The following GPRC5C variants were observed in gnomAD, a reference collection of about 807,000 sequenced individuals.
GPRC5C encodes G protein-coupled receptor class C group 5 member C.
A neutral mutation model predicts 31.4 loss-of-function variants in GPRC5C; 22 were observed. The observed-to-expected ratio is 0.70, with a 90% confidence interval of 0.50 to 1.00. The LOEUF is 1.00. GPRC5C is among the 50% of genes least tolerant of loss of function. The probability of loss-of-function intolerance (pLI) is 0.00; values close to 1 mark genes in which losing one functional copy is unlikely to be tolerated. For synonymous variants in GPRC5C, 249 were observed against 257.5 expected, an observed-to-expected ratio of 0.97 and a Z score of 0.32; for missense variants, 557 against 597.2, an observed-to-expected ratio of 0.93 and a Z score of 0.70.
intron 3 of GPRC5C, among the ~76,000 whole-genome samples, chr17:74,444,292 CAG>C (rs1259613825): frequency 1.3e-5 from 2 of 152,268 alleles, no homozygotes; most frequent in East Asian, 3.9e-4. Flanking sequence ...CCAAAATAGA[CAG>C]GGGTCCAAAT....
At chr17:74,444,790 C>G (rs1475877151) in intron 3 of GPRC5C, among the ~76,000 whole-genome samples, 1 of 152,182 alleles carries the variant, frequency 6.6e-6, no homozygotes, top group African/African-American at 2.4e-5. Context: ...GCCACAGAAG[C>G]CTTTGCTGAA....
intron 3 of GPRC5C, 110 bp from the exon 4 acceptor site, chr17:74,446,739 A>C (rs1598434807): frequency 1.3e-6 from 1 of 799,038 alleles, no homozygotes; most frequent in African/African-American, 1.8e-5. Context: ...CCGAGGGGGG[A>C]GTTGGGGGGG....
In GPRC5C at chr17:74,446,797, C is replaced by T. The variant is rs79555115; in HGVS notation, c.1147-52C>T. ...GGAAGTGTTTGTGCATCCGCCCCGG[C>T]GGAACCTGGCTCCCAATCCCCGACT... On this transcript the variant is annotated intron_variant, in intron 3 of 3. Coordinates refer to ENST00000392627, the MANE Select transcript of GPRC5C (RefSeq NM_022036.4). The T allele has an allele frequency of 2.8e-3, 3,995 of 1,431,296 alleles. 41 individuals carry two copies. In the African/African-American group the frequency reaches 0.032, roughly 12 times the overall value. The allele number at this position is 1,431,296 out of a possible 1,614,324, so 88.7% of individuals were successfully genotyped here.
chr17:74,438,283 C>T (rs1195369733), intron 1 of GPRC5C, among the ~76,000 whole-genome samples: 1 of 134,984 alleles, frequency 7.4e-6, no homozygotes, highest in African/African-American at 3.0e-5. Flanking sequence ...TGTTTTCATA[C>T]AGAGTCTCAC....
intron 1 of GPRC5C, among the ~76,000 whole-genome samples, chr17:74,436,628 C>G (rs1445405131): frequency 6.6e-6 from 1 of 152,220 alleles, no homozygotes; most frequent in African/African-American, 2.4e-5. Flanking sequence ...GCTCTGGGAA[C>G]AACAGGGCCT....
intron 1 of GPRC5C, among the ~76,000 whole-genome samples, chr17:74,437,253 C>G (rs1265122954): frequency 6.6e-6 from 1 of 152,188 alleles, no homozygotes; most frequent in African/African-American, 2.4e-5. Flanking sequence ...TCTTAGCCCT[C>G]TCTTACTCCT....
chr17:74,443,371 G>C (rs2055573384), intron 2 of GPRC5C: 1 of 329,628 alleles, frequency 3.0e-6, no homozygotes, highest in Non-Finnish European at 5.9e-6. Context: ...GGCTTAGGCC[G>C]AGGGCTCTCA....
Position 74,440,240 on chromosome 17 carries a change from T to C in GPRC5C, c.464T>C (p.Val155Ala), listed in dbSNP as rs1392053271. 3.1e-6 allele frequency: 5 copies of C among 1,614,024 alleles called. No individual in the cohort carries two copies. The African/African-American group carries it at 5.3e-5, about 17-fold the overall frequency. ...AAGAACCACGGGCCCCGGGGCTGGG[T>C]GATCTTCACTGTGGCTCTGCTGCTG... Reference protein sequence around the residue: ...ARKNHGPRGWVIFTVALLLTL... With the variant: ...ARKNHGPRGWAIFTVALLLTL... The change falls in exon 2 of 4, where the codon GTG (valine) becomes GCG (alanine). Residue 155 changes from valine to alanine, a missense_variant. By Grantham distance (64) the Val-to-Ala change is moderately conservative (BLOSUM62 0). Coordinates refer to ENST00000392627, the MANE Select transcript of GPRC5C (RefSeq NM_022036.4). This position sits in a 1 kb window ranked among gnomAD's most constrained non-coding sequence, Gnocchi z 4.4.
chr17:74,449,409 C>T (rs1262844309), downstream of GPRC5C: 2 of 1,198,826 alleles, frequency 1.7e-6, no homozygotes, highest in Non-Finnish European at 2.2e-6. Flanking sequence ...GATCCTCATT[C>T]CTCTGTACCC....
chr17:74,433,651 T>A lies in GPRC5C; in HGVS notation c.-33+1510T>A, dbSNP rs146595210. The A allele has an allele frequency of 4.9e-6, 7 of 1,422,384 alleles. No homozygotes were observed. The African/African-American group carries it at 8.4e-5, about 17-fold the overall frequency. The allele number at this position is 1,422,384 out of a possible 1,614,324, so 88.1% of individuals were successfully genotyped here. ...GCCATCGTCTTTCCCTATAGGCTCT[T>A]GAGTGTGTGGGATGGGAGGAAGGCA... On this transcript the variant is annotated intron_variant, in intron 1 of 3. Coordinates refer to ENST00000392627, the MANE Select transcript of GPRC5C (RefSeq NM_022036.4).
At chr17:74,433,130 G>T (rs867710211) in intron 1 of GPRC5C, among the ~76,000 whole-genome samples, 1 of 151,932 alleles carries the variant, frequency 6.6e-6, no homozygotes, top group Non-Finnish European at 1.5e-5. Context: ...AGTGTTACAC[G>T]CTGGAAGACC....
intron 1 of GPRC5C, chr17:74,432,372 C>G: frequency 7.5e-7 from 1 of 1,338,216 alleles, no homozygotes; most frequent in East Asian, 3.2e-5. Flanking sequence ...AGAGGCAGGC[C>G]CTGCGTCCCG....
At chr17:74,444,608 C>T (rs549006607) in intron 3 of GPRC5C, among the ~76,000 whole-genome samples, 36 of 152,290 alleles carry the variant, frequency 2.4e-4, no homozygotes, top group African/African-American at 8.7e-4. Context: ...TCTCATCCCC[C>T]TCCCCGCCCT....
chr17:74,432,469 G>C (rs540100101), intron 1 of GPRC5C: 166 of 1,069,714 alleles, frequency 1.6e-4, no homozygotes, highest in Admixed American at 4.4e-4. Flanking sequence ...CCCCCGCCTG[G>C]GGCTGGAGTT....
At chr17:74,432,511 C>T in intron 1 of GPRC5C, 1 of 1,013,210 alleles carries the variant, frequency 9.9e-7, no homozygotes, top group South Asian at 4.5e-5. Flanking sequence ...GCGGGGCCGG[C>T]GGCGAGTCCC....
At chr17:74,447,726 C>T (rs543695732), downstream of GPRC5C, among the ~76,000 whole-genome samples, 21 of 151,786 alleles carry the variant, frequency 1.4e-4, no homozygotes, top group East Asian at 1.2e-3. Flanking sequence ...CCTCTGGGAA[C>T]CCCCCTCCAG....
At position 74,440,714 on chromosome 17, in the gene GPRC5C, A is replaced by AG; in HGVS notation, c.943dup (p.Asp315GlyfsTer11). 1 of 1,604,052 alleles carries AG rather than the reference A, an allele frequency of 6.2e-7. No individual in the cohort carries two copies. The highest frequency in any genetic ancestry group is 8.5e-7 in the Non-Finnish European group (1 of 1,172,628). On this transcript the variant is annotated frameshift_variant, in exon 2 of 4. Transcript: ENST00000392627. LOFTEE classifies it high-confidence loss of function. The surrounding 1 kb of genome is among the most constrained non-coding windows in gnomAD (Gnocchi z 4.4). Reference sequence around the variant, plus strand: ...AAGTCCAGCCCAGAGCAAAGCTACCAGGGGGACATGTACCCCACCCGGGGC... The same window carrying AG: ...AAGTCCAGCCCAGAGCAAAGCTACCAGGGGGGACATGTACCCCACCCGGGGC...
Position 74,440,822 on chromosome 17 carries a change from T to C in GPRC5C, c.1046T>C (p.Val349Ala), listed in dbSNP as rs2055526670. ...ENKAFSMDEP[V>A]AAKRPVSPYS... ...AAGGCCTTTTCCATGGATGAGCCGG[T>C]TGCAGGTGGGTCTCTGTGGATGCCC... is the stretch of plus-strand genomic sequence containing the variant. Residue 349 changes from valine to alanine, a missense_variant, in exon 2 of 4, where the codon GTT (valine) becomes GCT (alanine). Val to Ala is a moderately conservative substitution (Grantham distance 64). Transcript: ENST00000392627. The surrounding 1 kb of genome is among the most constrained non-coding windows in gnomAD (Gnocchi z 4.4). 6.7e-7 allele frequency: 1 copy of C among 1,488,482 alleles called. No individual in the cohort carries two copies. Among genetic ancestry groups the C allele is most frequent in the East Asian group, 2.3e-5 (1 of 42,776 alleles). The allele number at this position is 1,488,482 out of a possible 1,614,324, so 92.2% of individuals were successfully genotyped here. A position where few individuals can be genotyped will look rare whatever the true frequency, so the allele number is the denominator to read the frequency against.
chr17:74,436,735 A>C (rs938485791), intron 1 of GPRC5C, among the ~76,000 whole-genome samples: 15 of 152,148 alleles, frequency 9.9e-5, no homozygotes, highest in African/African-American at 3.4e-4. Context: ...AAAGCCCTTG[A>C]AAGTGCAGGT....
Sources: allele counts gnomAD v4.1 joint callset (sites outside exome capture counted in the v4.1 genomes callset), GRCh38; gene constraint gnomAD v4.1.1; non-coding constraint Gnocchi (gnomAD v3.1); transcripts MANE v1.5; gene names NCBI Gene and HGNC (gene_info 2026-07-23, HGNC 2026-07-21).